CTNNA2: variants seen among roughly 807,000 people sequenced by gnomAD.
CTNNA2 encodes the protein catenin alpha-2.
A neutral mutation model predicts 101.0 loss-of-function variants in CTNNA2; 42 were observed. That is an observed-to-expected ratio of 0.42 (90% confidence interval 0.32 to 0.54). The LOEUF (loss-of-function observed/expected upper bound fraction) is 0.54, where lower values mean the gene tolerates loss of function less well. Ranked by LOEUF, CTNNA2 falls within the 20% of genes least tolerant of loss-of-function variation. The pLI is 0.14. For missense variants in CTNNA2, 871 were observed against 1,223.1 expected (o/e 0.71, Z 4.29); for synonymous variants, 450 against 456.4 (o/e 0.99, Z 0.18).
intron 7 of CTNNA2, among the ~76,000 whole-genome samples, chr2:80,002,646 A>T (rs1253166208): frequency 6.6e-6 from 1 of 152,114 alleles, no homozygotes; most frequent in Admixed American, 6.5e-5. Flanking sequence ...TACACTAGGA[A>T]CAGGGAAACC....
intron 1 of CTNNA2, among the ~76,000 whole-genome samples, chr2:79,561,581 C>T (rs961740544): frequency 1.3e-5 from 2 of 151,868 alleles, no homozygotes; most frequent in African/African-American, 4.8e-5. Context: ...TTCTCCACAT[C>T]TTTGCTAATT....
intron 3 of CTNNA2, among the ~76,000 whole-genome samples, chr2:79,326,717 G>A (rs1676755736): frequency 6.6e-6 from 1 of 152,134 alleles, no homozygotes; most frequent in Admixed American, 6.6e-5. Flanking sequence ...ATGAAAAGCT[G>A]TACACTATAA....
intron 1 of CTNNA2, among the ~76,000 whole-genome samples, chr2:79,614,642 ATATTCT>A (rs1362057275): frequency 2.0e-5 from 3 of 152,172 alleles, no homozygotes; most frequent in Non-Finnish European, 4.4e-5. Context: ...AAATAAAATG[ATATTCT>A]TATTAACTAC....
intron 2 of CTNNA2, among the ~76,000 whole-genome samples, chr2:79,201,504 T>C (rs545492582): frequency 6.6e-6 from 1 of 152,274 alleles, no homozygotes; most frequent in Non-Finnish European, 1.5e-5. Flanking sequence ...CCTTCCATTG[T>C]CGTGGAAGCA....
chr2:79,466,689 A>G (rs1406122289), intron 4 of CTNNA2, among the ~76,000 whole-genome samples: 1 of 152,200 alleles, frequency 6.6e-6, no homozygotes, highest in Non-Finnish European at 1.5e-5. Flanking sequence ...CTTCCAGAGG[A>G]AAAATCAGGC....
At chr2:79,672,768 G>A (rs1682931244) in intron 2 of CTNNA2, among the ~76,000 whole-genome samples, 1 of 150,210 alleles carries the variant, frequency 6.7e-6, no homozygotes, top group South Asian at 2.1e-4. Flanking sequence ...GAATGCAGTG[G>A]CACAATCCTC....
At chr2:79,626,689 A>G (rs780707644) in intron 1 of CTNNA2, among the ~76,000 whole-genome samples, 3 of 151,070 alleles carry the variant, frequency 2.0e-5, no homozygotes, top group Non-Finnish European at 4.4e-5. Flanking sequence ...GGTGTGGGAA[A>G]TGAATATGAA....
At chr2:80,644,749 TCTCAC>T (rs1673880622) in intron 18 of CTNNA2, among the ~76,000 whole-genome samples, 1 of 152,086 alleles carries the variant, frequency 6.6e-6, no homozygotes, top group African/African-American at 2.4e-5. Context: ...TGGCTGGATC[TCTCAC>T]CTCCTCACTT....
At chr2:80,182,726 A>G (rs1223550547) in intron 7 of CTNNA2, among the ~76,000 whole-genome samples, 1 of 152,180 alleles carries the variant, frequency 6.6e-6, no homozygotes, top group African/African-American at 2.4e-5. Context: ...ATTGCATTTG[A>G]GCTGGATTTT....
In CTNNA2 at chr2:80,250,923, G is replaced by A. The variant is rs1208889426; in HGVS notation, c.1057-142288G>A. Among the ~76,000 whole-genome samples, 3 of 152,124 alleles carry A rather than the reference G, an allele frequency of 2.0e-5. No homozygotes were observed. In the East Asian group the frequency reaches 5.8e-4, roughly 29 times the overall value. ...ATTGGTAGGTATTAAACTCTCCCCAGACACCCAATACAAATACTTCAAGGG... is the reference window on the plus strand; with the variant it reads ...ATTGGTAGGTATTAAACTCTCCCCAAACACCCAATACAAATACTTCAAGGG... On this transcript the variant is annotated intron_variant, in intron 7 of 18. Transcript: ENST00000402739.
chr2:79,982,230 A>ATATG (rs1343953163), intron 7 of CTNNA2, among the ~76,000 whole-genome samples: 2 of 96,446 alleles, frequency 2.1e-5, no homozygotes, highest in East Asian at 7.5e-4. Context: ...ATATATATAT[A>ATATG]TATATATATA....
intron 9 of CTNNA2, among the ~76,000 whole-genome samples, chr2:80,464,820 G>C (rs1220973872): frequency 1.3e-5 from 2 of 152,040 alleles, no homozygotes; most frequent in African/African-American, 4.8e-5. Context: ...TCATACCACA[G>C]GTGAAGAATC....
chr2:79,454,170 C>T (rs1433777006), intron 4 of CTNNA2, among the ~76,000 whole-genome samples: 1 of 152,086 alleles, frequency 6.6e-6, no homozygotes, highest in African/African-American at 2.4e-5. Context: ...TTGTTTTTAA[C>T]TCCTAGGATA....
chr2:79,837,067 C>T (rs1217430964), intron 3 of CTNNA2, among the ~76,000 whole-genome samples: 1 of 152,144 alleles, frequency 6.6e-6, no homozygotes, highest in Non-Finnish European at 1.5e-5. Context: ...TACAATTAAA[C>T]CCATTTGAAT....
In CTNNA2 at chr2:79,513,202, A is replaced by G. The variant is rs1671614560; in HGVS notation, c.-11A>G. The stretch of plus-strand genomic sequence containing the variant: ...GGAGGCGAGAAACTCCCACCGACCC[A>G]CAGAGGTGAGTCCCGGGCAGAGCAT... On this transcript the variant is annotated 5_prime_UTR_variant, in exon 1 of 19. Transcript: ENST00000402739. The G allele has an allele frequency of 6.6e-6, 1 of 152,486 alleles. No individual in the cohort carries two copies. The highest frequency in any genetic ancestry group is 2.4e-5 in the African/African-American group (1 of 41,430). 9.4% of individuals were successfully genotyped at this position (152,486 alleles called of 1,614,324 possible). A position where few individuals can be genotyped will look rare whatever the true frequency, so the allele number is the denominator to read the frequency against.
At chr2:79,443,929 TC>T (rs1678803521) in intron 4 of CTNNA2, among the ~76,000 whole-genome samples, 2 of 150,784 alleles carry the variant, frequency 1.3e-5, no homozygotes, top group Non-Finnish European at 1.5e-5. Context: ...TCTCTCTCTC[TC>T]TCTCTCTCTC....
At chr2:79,830,125 C>A (rs1449656723) in intron 3 of CTNNA2, among the ~76,000 whole-genome samples, 1 of 152,136 alleles carries the variant, frequency 6.6e-6, no homozygotes, top group Non-Finnish European at 1.5e-5. Flanking sequence ...TACCTGGGAA[C>A]CTCTGGGGTG....
At chr2:79,802,548 A>G (rs1676246400) in intron 3 of CTNNA2, among the ~76,000 whole-genome samples, 1 of 152,190 alleles carries the variant, frequency 6.6e-6, no homozygotes, top group Non-Finnish European at 1.5e-5. Context: ...TGGCCCAGAT[A>G]TGCGGCTGGA....
intron 7 of CTNNA2, among the ~76,000 whole-genome samples, chr2:80,347,982 G>C (rs913833293): frequency 6.6e-6 from 1 of 151,910 alleles, no homozygotes; most frequent in African/African-American, 2.4e-5. Flanking sequence ...TATTGGTATG[G>C]GATTCAGTTC....
Sources: gnomAD v4.1 joint callset for allele counts (sites outside exome capture counted in the v4.1 genomes callset) on GRCh38, gnomAD v4.1.1 for gene constraint, MANE v1.5 for transcripts, NCBI Gene and HGNC (gene_info 2026-07-23, HGNC 2026-07-21) for gene names.